The following CTNNA3 variants were observed in gnomAD, a reference collection of about 807,000 sequenced individuals.
CTNNA3 encodes the protein catenin alpha 3, also known as catenin alpha-3.
In CTNNA3, 76 loss-of-function variants were observed where a neutral mutation model predicts 95.7. The ratio of observed to expected loss-of-function variants is 0.79; its 90% confidence interval spans 0.66 to 0.96. The LOEUF is 0.96. Ranked by LOEUF, CTNNA3 falls within the 40% of genes least tolerant of loss-of-function variation. CTNNA3 has a pLI of 0.00. For synonymous variants in CTNNA3, 431 were observed against 374.4 expected, an observed-to-expected ratio of 1.15 and a Z score of -1.74; for missense variants, 1,191 against 1,089.8, an observed-to-expected ratio of 1.09 and a Z score of -1.31.
At chr10:67,427,714 A>G (rs538578317) in intron 5 of CTNNA3, among the ~76,000 whole-genome samples, 15 of 152,178 alleles carry the variant, frequency 9.9e-5, no homozygotes, top group Middle Eastern at 3.4e-3. Flanking sequence ...CAGGGCAAAA[A>G]ACTAGACAGT....
chr10:67,701,202 C>A (rs1841036727), intron 1 of CTNNA3, among the ~76,000 whole-genome samples: 1 of 152,192 alleles, frequency 6.6e-6, no homozygotes, highest in Non-Finnish European at 1.5e-5. Flanking sequence ...AAACACTCTG[C>A]AGGATATTAT....
At chr10:66,795,223 G>T (rs1304288889) in intron 7 of CTNNA3, among the ~76,000 whole-genome samples, 5 of 152,094 alleles carry the variant, frequency 3.3e-5, no homozygotes, top group Non-Finnish European at 5.9e-5. Context: ...ATCCATGGTA[G>T]TTATAGCCTT....
intron 6 of CTNNA3, among the ~76,000 whole-genome samples, chr10:67,201,750 G>T (rs1227346912): frequency 6.6e-6 from 1 of 152,138 alleles, no homozygotes; most frequent in East Asian, 1.9e-4. Context: ...CTTATCAGGT[G>T]ATGGGAACTA....
intron 7 of CTNNA3, among the ~76,000 whole-genome samples, chr10:66,816,322 A>G: frequency 6.6e-6 from 1 of 152,158 alleles, no homozygotes; most frequent in East Asian, 1.9e-4. Flanking sequence ...AAATTGGTAG[A>G]CGTATATTCT....
chr10:67,132,774 T>C (rs1335141456), intron 7 of CTNNA3, among the ~76,000 whole-genome samples: 1 of 152,074 alleles, frequency 6.6e-6, no homozygotes, highest in Non-Finnish European at 1.5e-5. Flanking sequence ...GTAACATGTA[T>C]GGAACTTGAG....
At chr10:66,692,144 T>C (rs1261491457) in intron 9 of CTNNA3, among the ~76,000 whole-genome samples, 2 of 152,044 alleles carry the variant, frequency 1.3e-5, no homozygotes, top group Non-Finnish European at 2.9e-5. Context: ...AGAAGAAGGC[T>C]TCAGATGATC....
intron 1 of CTNNA3, among the ~76,000 whole-genome samples, chr10:67,685,936 A>G (rs1382631587): frequency 1.3e-5 from 2 of 149,024 alleles, no homozygotes; most frequent in South Asian, 2.2e-4. Context: ...CTCTTTGTCT[A>G]TCTGTTTCTT....
intron 16 of CTNNA3, among the ~76,000 whole-genome samples, chr10:65,972,910 A>AGGG (rs1564550290): frequency 4.6e-5 from 7 of 151,518 alleles, no homozygotes; most frequent in African/African-American, 1.7e-4. Context: ...GGGGGAAAAA[A>AGGG]AAAAAAAAAA....
intron 13 of CTNNA3, among the ~76,000 whole-genome samples, chr10:66,195,864 ATG>A (rs1422829060): frequency 7.1e-6 from 1 of 141,598 alleles, no homozygotes; most frequent in African/African-American, 3.2e-5. Flanking sequence ...GGGTGAACAC[ATG>A]TTAGCCATTG....
In CTNNA3 at chr10:66,766,296, T is replaced by C. The variant is rs1839849143; in HGVS notation, c.1249A>G (p.Ile417Val). The C allele has an allele frequency of 6.2e-7, 1 of 1,613,962 alleles. No individual in the cohort carries two copies. Among genetic ancestry groups the C allele is most frequent in the East Asian group, 2.2e-5 (1 of 44,852 alleles). ...REKEIKEYAAIFHEHTSRLVE... is the reference protein window; with the variant it reads ...REKEIKEYAAVFHEHTSRLVE... ...AGCCTGCTGGTGTGTTCATGAAATATCGCAGCATATTCTTTTATTTCCTTT... is the reference window on the plus strand; with the variant it reads ...AGCCTGCTGGTGTGTTCATGAAATACCGCAGCATATTCTTTTATTTCCTTT... The change falls in exon 9 of 18, where the codon ATA becomes GTA. Residue 417 changes from isoleucine (I) to valine (V), a missense_variant. By Grantham distance (29) the Ile-to-Val change is conservative. Transcript: ENST00000433211.
chr10:66,106,278 T>G lies in CTNNA3; in HGVS notation c.1885-3029A>C, dbSNP rs2081902457. Among the ~76,000 whole-genome samples, 2 of 151,886 alleles carry G rather than the reference T, an allele frequency of 1.3e-5. 1 individual carries two copies. Among genetic ancestry groups the G allele is most frequent in the South Asian group, 4.1e-4 (2 of 4,820 alleles). Reference sequence around the variant, plus strand: ...TAGAGTACCCTAGATCATGCCTTCTTAAAATTGTCTGCTTCTACCTATCTG... The same window carrying G: ...TAGAGTACCCTAGATCATGCCTTCTGAAAATTGTCTGCTTCTACCTATCTG... On this transcript the variant is annotated intron_variant, in intron 13 of 17. Coordinates refer to ENST00000433211, the MANE Select transcript of CTNNA3 (RefSeq NM_013266.4).
chr10:67,049,836 T>G (rs998544614), intron 7 of CTNNA3, among the ~76,000 whole-genome samples: 9 of 152,204 alleles, frequency 5.9e-5, no homozygotes, highest in Non-Finnish European at 1.2e-4. Flanking sequence ...TTTATATATA[T>G]TACAAATATA....
In CTNNA3 at chr10:65,988,878, T is replaced by C; in HGVS notation, c.2160-81A>G. ...CTACGATGGTTCATGAAAAAATGTA[T>C]TAATCTATGCGTCCATCCATCCGCA... On this transcript the variant is annotated intron_variant, in intron 15 of 17. Transcript: ENST00000433211. 7.5e-6 allele frequency: 7 copies of C among 928,818 alleles called. No homozygotes were observed. The Middle Eastern group carries it at 6.6e-4, about 88-fold the overall frequency. 57.5% of individuals were successfully genotyped at this position (928,818 alleles called of 1,614,324 possible).
intron 3 of CTNNA3, among the ~76,000 whole-genome samples, chr10:67,602,935 G>A (rs1365945084): frequency 1.3e-5 from 2 of 152,150 alleles, no homozygotes; most frequent in African/African-American, 4.8e-5. Context: ...GTGACAAAAG[G>A]ATGCTTCAAC....
intron 12 of CTNNA3, among the ~76,000 whole-genome samples, chr10:66,315,388 A>C (rs2092087077): frequency 6.6e-6 from 1 of 151,970 alleles, no homozygotes; most frequent in African/African-American, 2.4e-5. Context: ...CCATGAAAGA[A>C]AGGTCTTATA....
intron 2 of CTNNA3, among the ~76,000 whole-genome samples, chr10:67,613,631 C>G (rs950149066): frequency 7.8e-6 from 1 of 127,494 alleles, no homozygotes; most frequent in Non-Finnish European, 1.6e-5. Context: ...CTTTTTTTGC[C>G]CCCCCCAACA....
At chr10:66,474,291 G>C (rs1247211110) in intron 11 of CTNNA3, among the ~76,000 whole-genome samples, 2 of 152,028 alleles carry the variant, frequency 1.3e-5, no homozygotes, top group African/African-American at 4.8e-5. Context: ...TTTCACATAT[G>C]AGTGAGATCA....
At position 66,155,359 on chromosome 10, in the gene CTNNA3, C is replaced by G. The variant is rs144395728; in HGVS notation, c.1885-52110G>C. Among the ~76,000 whole-genome samples, 8 of 151,960 alleles carry G rather than the reference C, an allele frequency of 5.3e-5. No individual in the cohort carries two copies. The East Asian group carries it at 1.5e-3, about 29-fold the overall frequency. On this transcript the variant is annotated intron_variant, in intron 13 of 17. Transcript: ENST00000433211. ...ATGGAATTTCTGCTGTCCTACTCAA[C>G]TGGAAAATCAGTATCTGTGTTATAC...
chr10:66,448,298 A>G (rs185535611), intron 11 of CTNNA3, among the ~76,000 whole-genome samples: 1 of 152,294 alleles, frequency 6.6e-6, no homozygotes, highest in East Asian at 1.9e-4. Flanking sequence ...AACTAGAAAT[A>G]TCATTTGACC....
Sources: gnomAD v4.1 joint callset for allele counts (sites outside exome capture counted in the v4.1 genomes callset) on GRCh38, gnomAD v4.1.1 for gene constraint, MANE v1.5 for transcripts, NCBI Gene and HGNC (gene_info 2026-07-23, HGNC 2026-07-21) for gene names.